The following ZNF146 variants were observed in gnomAD, a reference collection of about 807,000 sequenced individuals.
ZNF146 encodes the protein zinc finger protein OZF.
Under a neutral mutation model 22.2 loss-of-function variants are expected in ZNF146, and 9 were observed. The ratio of observed to expected loss-of-function variants is 0.41; its 90% CI spans 0.24 to 0.71. The LOEUF (loss-of-function observed/expected upper bound fraction) is 0.71. Ranked by LOEUF, ZNF146 falls within the 30% of genes least tolerant of loss-of-function variation. The probability of loss-of-function intolerance (pLI) is 0.34; values close to 1 mark genes in which losing one functional copy is unlikely to be tolerated. For synonymous variants in ZNF146, 108 were observed against 119.2 expected, an observed-to-expected ratio of 0.91 and a Z score of 0.61; for missense variants, 194 against 344.8, an observed-to-expected ratio of 0.56 and a Z score of 3.46.
At chr19:36,233,445 T>G (rs1040515821) in intron 3 of ZNF146, among the ~76,000 whole-genome samples, 1 of 151,766 alleles carries the variant, frequency 6.6e-6, no homozygotes, top group Non-Finnish European at 1.5e-5. Flanking sequence ...AAACAAAGTA[T>G]AGAGAAAGAA....
intron 3 of ZNF146, among the ~76,000 whole-genome samples, chr19:36,234,770 T>A (rs898388557): frequency 3.6e-4 from 55 of 152,276 alleles, no homozygotes; most frequent in African/African-American, 1.3e-3. Flanking sequence ...AATCTCTGAT[T>A]TCCGTATAGC....
intron 3 of ZNF146, among the ~76,000 whole-genome samples, chr19:36,232,019 A>G (rs1415136991): frequency 1.3e-5 from 2 of 152,002 alleles, no homozygotes; most frequent in East Asian, 1.9e-4. Flanking sequence ...CCTGGCCAAC[A>G]TGGTAAAACC....
At chr19:36,218,839 C>T (rs972138443) in intron 2 of ZNF146, among the ~76,000 whole-genome samples, 5 of 150,082 alleles carry the variant, frequency 3.3e-5, no homozygotes, top group African/African-American at 7.4e-5. Context: ...GACAGAGTCT[C>T]GGTTTGTCGC....
intron 2 of ZNF146, among the ~76,000 whole-genome samples, chr19:36,225,259 G>A (rs1316071467): frequency 3.3e-5 from 5 of 152,154 alleles, no homozygotes; most frequent in Non-Finnish European, 7.4e-5. Flanking sequence ...TCTGTTGATT[G>A]AGGAAACAAC....
chr19:36,232,147 G>A (rs1257165450), intron 3 of ZNF146, among the ~76,000 whole-genome samples: 2 of 147,186 alleles, frequency 1.4e-5, no homozygotes, highest in African/African-American at 5.0e-5. Flanking sequence ...AGGTTGCAGT[G>A]AGCTGAGACT....
intron 2 of ZNF146, among the ~76,000 whole-genome samples, chr19:36,224,980 A>G (rs1472267631): frequency 6.6e-6 from 1 of 151,798 alleles, no homozygotes; most frequent in East Asian, 1.9e-4. Flanking sequence ...TGCTTTCCTT[A>G]GTTATTTGTA....
At chr19:36,229,470 G>A (rs940555751) in intron 3 of ZNF146, among the ~76,000 whole-genome samples, 5 of 152,020 alleles carry the variant, frequency 3.3e-5, no homozygotes, top group African/African-American at 7.2e-5. Flanking sequence ...TCAGACTCCC[G>A]AAAAAATCTC....
At chr19:36,224,689 A>G (rs1316914620) in intron 2 of ZNF146, among the ~76,000 whole-genome samples, 2 of 151,988 alleles carry the variant, frequency 1.3e-5, no homozygotes, top group African/African-American at 2.4e-5. Context: ...CCAGAGGGGG[A>G]AAAGGTAGAA....
chr19:36,215,242 G>A (rs1398149335), intron 1 of ZNF146, 46 bp downstream of exon 1: 1 of 152,514 alleles, frequency 6.6e-6, no homozygotes, highest in East Asian at 1.9e-4. Flanking sequence ...GAGGTTAAAG[G>A]GGAGGATTCC....
At chr19:36,225,477 T>C (rs564852954) in intron 2 of ZNF146, among the ~76,000 whole-genome samples, 3 of 152,300 alleles carry the variant, frequency 2.0e-5, no homozygotes, top group East Asian at 3.9e-4. Context: ...TTTTGTTATG[T>C]TTCAGTTTTC....
chr19:36,234,315 CTCTT>C (rs1344991110), intron 3 of ZNF146, among the ~76,000 whole-genome samples: 4 of 125,212 alleles, frequency 3.2e-5, no homozygotes, highest in Middle Eastern at 4.9e-3. Flanking sequence ...AGTCTGATCT[CTCTT>C]TCTTTTCCCC....
At chr19:36,231,993 A>G (rs1977394534) in intron 3 of ZNF146, among the ~76,000 whole-genome samples, 1 of 152,044 alleles carries the variant, frequency 6.6e-6, no homozygotes, top group African/African-American at 2.4e-5. Context: ...ACCTGAGGTC[A>G]AGAGTTTGAG....
At chr19:36,216,956 G>A (rs1976634852) in intron 1 of ZNF146, among the ~76,000 whole-genome samples, 1 of 151,730 alleles carries the variant, frequency 6.6e-6, no homozygotes, top group Non-Finnish European at 1.5e-5. Context: ...CTGCTTGGGA[G>A]GCTGAGGTGG....
chr19:36,226,956 G>A (rs1045095125), intron 2 of ZNF146, among the ~76,000 whole-genome samples: 1 of 152,114 alleles, frequency 6.6e-6, no homozygotes, highest in Admixed American at 6.6e-5. Context: ...GGTGGCGCAT[G>A]CCTATAGTCC....
chr19:36,233,361 G>C (rs1266028762), intron 3 of ZNF146, among the ~76,000 whole-genome samples: 5 of 152,312 alleles, frequency 3.3e-5, no homozygotes, highest in African/African-American at 1.2e-4. Flanking sequence ...GCCTGAAGGG[G>C]TGGGTTTCCC....
intron 2 of ZNF146, among the ~76,000 whole-genome samples, chr19:36,219,567 C>T (rs1976751257): frequency 6.6e-6 from 1 of 152,140 alleles, no homozygotes; most frequent in South Asian, 2.1e-4. Flanking sequence ...GGTGATCTTA[C>T]ATACTTCAAA....
At chr19:36,233,496 C>T (rs762052954) in intron 3 of ZNF146, among the ~76,000 whole-genome samples, 5 of 152,030 alleles carry the variant, frequency 3.3e-5, no homozygotes, top group East Asian at 3.9e-4. Flanking sequence ...GACCTGCATA[C>T]GGAGGACCTC....
chr19:36,229,199 C>G (rs1186738122), intron 3 of ZNF146, among the ~76,000 whole-genome samples: 1 of 152,208 alleles, frequency 6.6e-6, no homozygotes, highest in Non-Finnish European at 1.5e-5. Context: ...CTTCTCTCAT[C>G]CTTTCTAGTG....
chr19:36,229,169 A>G (rs762783292), intron 3 of ZNF146, among the ~76,000 whole-genome samples: 48 of 152,138 alleles, frequency 3.2e-4, no homozygotes, highest in Non-Finnish European at 5.7e-4. Flanking sequence ...TCTGATATTC[A>G]GGTTCCTTTT....
Sources: gnomAD v4.1 joint callset for allele counts (sites outside exome capture counted in the v4.1 genomes callset) on GRCh38, gnomAD v4.1.1 for gene constraint, MANE v1.5 for transcripts, NCBI Gene and HGNC (gene_info 2026-07-23, HGNC 2026-07-21) for gene names.